CORO6: variants seen among roughly 807,000 people sequenced by gnomAD.
CORO6 encodes coronin-6.
In CORO6, 43 loss-of-function variants were observed where a neutral mutation model predicts 49.0. That is an observed-to-expected ratio of 0.88 (90% CI 0.69 to 1.13). The LOEUF is 1.13. Among genes scored for constraint, CORO6 ranks in the 50% most tolerant of loss-of-function variants. CORO6 has a pLI of 0.00. For synonymous variants in CORO6, 233 were observed against 256.5 expected (o/e 0.91, Z 0.88); for missense variants, 650 against 647.0 (o/e 1.00, Z -0.05).
chr17:29,618,607 G>A, intron 5 of CORO6, 183 bp downstream of exon 5: 19 of 1,418,108 alleles, frequency 1.3e-5, no homozygotes, highest in Non-Finnish European at 1.7e-5. Context: ...AGAATTGCAG[G>A]CTGGGGGCTT....
Position 29,621,433 on chromosome 17 carries a change from G to T in CORO6, c.-12C>A. On this transcript the variant is annotated 5_prime_UTR_variant, in exon 2 of 11. In the 5' UTR this introduces an upstream ATG that the reference lacks. Transcript: ENST00000388767. The surrounding 1 kb of genome is among the most constrained non-coding windows in gnomAD (Gnocchi z 4.2). Reference sequence around the variant, plus strand: ...ACACGTCTGCTCATAGCTGCAGGCAGAGAGGTAGGATCTCAGTGCCCAGAA... The same window carrying T: ...ACACGTCTGCTCATAGCTGCAGGCATAGAGGTAGGATCTCAGTGCCCAGAA... The T allele has an allele frequency of 9.4e-6, 15 of 1,593,754 alleles. No homozygotes were observed. Among genetic ancestry groups the T allele is most frequent in the Non-Finnish European group, 1.3e-5 (15 of 1,169,520 alleles).
chr17:29,621,101 G>A lies in CORO6; in HGVS notation c.198+123C>T, dbSNP rs2035285189. 7.8e-7 allele frequency: 1 copy of A among 1,282,038 alleles called. No homozygotes were observed. The highest frequency in any genetic ancestry group is 1.1e-6 in the Non-Finnish European group (1 of 931,352). The allele number at this position is 1,282,038 out of a possible 1,614,324, so 79.4% of individuals were successfully genotyped here. ...CCTTGAGGGCTTGGGGAATAGGGAG[G>A]AGCCAATCCACACAGATGCTTCTCC... On this transcript the variant is annotated intron_variant, in intron 2 of 10. Transcript: ENST00000388767. This position sits in a 1 kb window ranked among gnomAD's most constrained non-coding sequence, Gnocchi z 4.2.
chr17:29,622,859 TAGAGCCCGGCGCCGCTGC>T lies in CORO6; in HGVS notation c.-253_-236del. On this transcript the variant is annotated 5_prime_UTR_variant, in exon 1 of 11. Transcript: ENST00000388767. ...CACTCTGGCCGATCCTGCGGCTCTCTAGAGCCCGGCGCCGCTGCAGCCCCAGCTGCCGCTGCCATCAAC... is the reference window on the plus strand; with the variant it reads ...CACTCTGGCCGATCCTGCGGCTCTCTAGCCCCAGCTGCCGCTGCCATCAAC... 1 of 1,299,854 alleles carries T rather than the reference TAGAGCCCGGCGCCGCTGC, an allele frequency of 7.7e-7. No homozygotes were observed. 80.5% of individuals were successfully genotyped at this position (1,299,854 alleles called of 1,614,324 possible).
intron 1 of CORO6, chr17:29,622,111 C>T (rs1254869003): frequency 6.5e-6 from 1 of 153,864 alleles, no homozygotes; most frequent in African/African-American, 2.4e-5. Context: ...TTCTCCCACT[C>T]CTTTCTGCAC....
In CORO6 at chr17:29,615,997, C is replaced by A. The variant is rs558798899; in HGVS notation, c.1241G>T (p.Arg414Leu). The A allele has an allele frequency of 6.9e-6, 11 of 1,586,660 alleles. No homozygotes were observed. Among genetic ancestry groups the A allele is most frequent in the Non-Finnish European group, 7.7e-6 (9 of 1,164,838 alleles). Residue 414 changes from arginine (R) to leucine (L), a missense_variant, in exon 10 of 11, where the codon CGC (arginine) becomes CTC (leucine). Transcript: ENST00000388767. Reference sequence around the variant, plus strand: ...GCTGCGGCGGGGGCCGGAGGGCGGGCGCACGTCCAGGATGTTGCGCTTCGT... The same window carrying A: ...GCTGCGGCGGGGGCCGGAGGGCGGGAGCACGTCCAGGATGTTGCGCTTCGT... ...RVTKRNILDVRPPSGPRRSQS... is the reference protein window; with the variant it reads ...RVTKRNILDVLPPSGPRRSQS...
At chr17:29,617,787 C>T (rs2035063251) in intron 5 of CORO6, 168 bp from the exon 6 acceptor site, 3 of 794,190 alleles carry the variant, frequency 3.8e-6, no homozygotes, top group South Asian at 1.9e-5. Context: ...CCACGTCTGG[C>T]CCCTGACCTG....
intron 2 of CORO6, among the ~76,000 whole-genome samples, chr17:29,620,637 T>C (rs758504557): frequency 6.6e-6 from 1 of 152,164 alleles, no homozygotes; most frequent in Admixed American, 6.5e-5. Flanking sequence ...CTTAAGGTTA[T>C]GAAGCTAACG....
intron 5 of CORO6, chr17:29,618,343 C>T (rs936260404): frequency 1.5e-5 from 20 of 1,290,684 alleles, no homozygotes; most frequent in South Asian, 1.3e-4. Context: ...AAGCAACGCG[C>T]GAGGGTTGCC....
chr17:29,622,826 C>A lies in CORO6; in HGVS notation c.-202G>T, dbSNP rs1424134264. ...CTGTAGTATCTGGGACCCGGGTGTCCAGCTCCGCACTCTGGCCGATCCTGC... is the reference window on the plus strand; with the variant it reads ...CTGTAGTATCTGGGACCCGGGTGTCAAGCTCCGCACTCTGGCCGATCCTGC... On this transcript the variant is annotated 5_prime_UTR_variant, in exon 1 of 11. It introduces an in-frame stop codon into an upstream open reading frame of the 5' UTR. Transcript: ENST00000388767. 3.8e-6 allele frequency: 5 copies of A among 1,307,074 alleles called. No homozygotes were observed. Among genetic ancestry groups the A allele is most frequent in the Non-Finnish European group, 3.0e-6 (3 of 992,126 alleles). The allele number at this position is 1,307,074 out of a possible 1,614,324, so 81.0% of individuals were successfully genotyped here.
chr17:29,616,213 G>A lies in CORO6; in HGVS notation c.1063-38C>T, dbSNP rs771888486. 1 of 1,610,356 alleles carries A rather than the reference G, an allele frequency of 6.2e-7. No homozygotes were observed. The highest frequency in any genetic ancestry group is 1.7e-4 in the Middle Eastern group (1 of 6,048). On this transcript the variant is annotated intron_variant, in intron 9 of 10. Transcript: ENST00000388767. This position sits in a 1 kb window ranked among gnomAD's most constrained non-coding sequence, Gnocchi z 5.6. ...GTGGACAGGAGGACTTGCGTGAGAG[G>A]GTGCGGGGCTTGCTCCGCTCCCTTC...
At position 29,622,863 on chromosome 17, in the gene CORO6, G is replaced by A. The variant is rs992553592; in HGVS notation, c.-239C>T. ...CTGGCCGATCCTGCGGCTCTCTAGAGCCCGGCGCCGCTGCAGCCCCAGCTG... is the reference window on the plus strand; with the variant it reads ...CTGGCCGATCCTGCGGCTCTCTAGAACCCGGCGCCGCTGCAGCCCCAGCTG... On this transcript the variant is annotated 5_prime_UTR_variant, in exon 1 of 11. Transcript: ENST00000388767. 5 of 1,297,254 alleles carry A rather than the reference G, an allele frequency of 3.9e-6. No homozygotes were observed. The African/African-American group carries it at 6.1e-5, about 16-fold the overall frequency. The allele number at this position is 1,297,254 out of a possible 1,614,324, so 80.4% of individuals were successfully genotyped here.
In CORO6 at chr17:29,621,070, T is replaced by A. The variant is rs748473267; in HGVS notation, c.198+154A>T. ...TAGGGTGGGGTGGGGTGGCCTCCCC[T>A]CTGGTCCTTGAGGGCTTGGGGAATA... is the stretch of plus-strand genomic sequence containing the variant. On this transcript the variant is annotated intron_variant, in intron 2 of 10. Coordinates refer to ENST00000388767, the MANE Select transcript of CORO6 (RefSeq NM_032854.4). The surrounding 1 kb of genome is among the most constrained non-coding windows in gnomAD (Gnocchi z 4.2). Among the ~76,000 whole-genome samples the A allele has an allele frequency of 6.6e-6, 1 of 152,018 alleles. No homozygotes were observed.
rs569893234 is a variant in CORO6, at chr17:29,619,604, C to G, written c.321+47G>C. On this transcript the variant is annotated intron_variant, in intron 3 of 10. Transcript: ENST00000388767. ...TCCCCAGCACAGGTGAGGCAGCCTT[C>G]CCTGCTCCCCTGCTCAACTGCCCAG... is the stretch of plus-strand genomic sequence containing the variant. 3.1e-6 allele frequency: 5 copies of G among 1,595,682 alleles called. No homozygotes were observed. In the South Asian group the frequency reaches 5.5e-5, roughly 18 times the overall value.
At position 29,616,564 on chromosome 17, in the gene CORO6, G is replaced by T; in HGVS notation, c.1004+138C>A. The stretch of plus-strand genomic sequence containing the variant: ...GTAAGGCTAGTGAGCGGTGGGTCTG[G>T]CACTGAAACAGAGCTGTCTTATCCC... On this transcript the variant is annotated intron_variant, in intron 8 of 10. Coordinates refer to ENST00000388767, the MANE Select transcript of CORO6 (RefSeq NM_032854.4). This position sits in a 1 kb window ranked among gnomAD's most constrained non-coding sequence, Gnocchi z 5.6. 1 of 1,167,910 alleles carries T rather than the reference G, an allele frequency of 8.6e-7. No homozygotes were observed. Among genetic ancestry groups the T allele is most frequent in the Non-Finnish European group, 1.2e-6 (1 of 817,258 alleles). 72.3% of individuals were successfully genotyped at this position (1,167,910 alleles called of 1,614,324 possible).
rs2034971762 is a variant in CORO6, at chr17:29,616,864, T to C, written c.859-17A>G. On this transcript the variant is annotated splice_polypyrimidine_tract_variant and intron_variant, in intron 7 of 10. Coordinates refer to ENST00000388767, the MANE Select transcript of CORO6 (RefSeq NM_032854.4). This position sits in a 1 kb window ranked among gnomAD's most constrained non-coding sequence, Gnocchi z 5.6. ...GCTGTCGCCCTGCAAAATCAGTCGG[T>C]TCAGGGGCGCGCCCGGACAAGGCCC... is the stretch of plus-strand genomic sequence containing the variant. 1 of 1,613,096 alleles carries C rather than the reference T, an allele frequency of 6.2e-7. No individual in the cohort carries two copies. Among genetic ancestry groups the C allele is most frequent in the African/African-American group, 1.3e-5 (1 of 74,860 alleles).
rs770267301 is a variant in CORO6, at chr17:29,621,229, C to A, written c.193G>T (p.Ala65Ser). Reference protein sequence around the residue: ...GGGAFIVLPLAKTGRVDKNYP... With the variant: ...GGGAFIVLPLSKTGRVDKNYP... The stretch of plus-strand genomic sequence containing the variant: ...TCCTTTCCCTGATCCCTCACCTTGG[C>A]CAGAGGCAGGACGATGAAGGCACCC... Residue 65 changes from alanine (A) to serine (S), a missense_variant, in exon 2 of 11, where the codon GCC (alanine) becomes TCC (serine). Ala to Ser is a moderately conservative substitution (Grantham distance 99). Transcript: ENST00000388767. The surrounding 1 kb of genome is among the most constrained non-coding windows in gnomAD (Gnocchi z 4.2). The A allele has an allele frequency of 9.9e-6, 16 of 1,614,094 alleles. No homozygotes were observed. The South Asian group carries it at 1.4e-4, about 14-fold the overall frequency.
chr17:29,616,457 C>T lies in CORO6; in HGVS notation c.1005-121G>A. The stretch of plus-strand genomic sequence containing the variant: ...CGCCTACCATGCATATTGCACATTA[C>T]ACACATTATTGGTTCTGCAATAAAA... On this transcript the variant is annotated intron_variant, in intron 8 of 10. Coordinates refer to ENST00000388767, the MANE Select transcript of CORO6 (RefSeq NM_032854.4). This position sits in a 1 kb window ranked among gnomAD's most constrained non-coding sequence, Gnocchi z 5.6. 3 of 988,816 alleles carry T rather than the reference C, an allele frequency of 3.0e-6. No homozygotes were observed. The highest frequency in any genetic ancestry group is 4.5e-6 in the Non-Finnish European group (3 of 667,556). 61.3% of individuals were successfully genotyped at this position (988,816 alleles called of 1,614,324 possible).
intron 6 of CORO6, 121 bp from the exon 7 acceptor site, chr17:29,617,163 CCA>C: frequency 6.4e-7 from 1 of 1,554,880 alleles, no homozygotes; most frequent in East Asian, 2.4e-5. Flanking sequence ...CCTCTAGTGA[CCA>C]GAGTTGCAGG....
chr17:29,616,408 G>T lies in CORO6; in HGVS notation c.1005-72C>A. On this transcript the variant is annotated intron_variant, in intron 8 of 10. Transcript: ENST00000388767. The surrounding 1 kb of genome is among the most constrained non-coding windows in gnomAD (Gnocchi z 5.6). Reference sequence around the variant, plus strand: ...AACTTCTCCTGTCTAAGACCAAGGGGGTTGGAGGCCAACACTTGCTCAGCG... The same window carrying T: ...AACTTCTCCTGTCTAAGACCAAGGGTGTTGGAGGCCAACACTTGCTCAGCG... The T allele has an allele frequency of 2.1e-6, 3 of 1,452,946 alleles. No homozygotes were observed. Among genetic ancestry groups the T allele is most frequent in the South Asian group, 2.4e-5 (2 of 82,010 alleles). The allele number at this position is 1,452,946 out of a possible 1,614,324, so 90.0% of individuals were successfully genotyped here.
Sources: allele counts gnomAD v4.1 joint callset (sites outside exome capture counted in the v4.1 genomes callset), GRCh38; gene constraint gnomAD v4.1.1; non-coding constraint Gnocchi (gnomAD v3.1); transcripts MANE v1.5; gene names NCBI Gene and HGNC (gene_info 2026-07-23, HGNC 2026-07-21).